The following ZFPM1 variants were observed in gnomAD, a reference collection of about 807,000 sequenced individuals.
ZFPM1 encodes the protein zinc finger protein ZFPM1.
A neutral mutation model predicts 46.3 loss-of-function variants in ZFPM1; 28 were observed. The observed-to-expected ratio is 0.60, with a 90% CI of 0.45 to 0.83. The LOEUF is 0.83. Among genes scored for constraint, ZFPM1 ranks in the 40% least tolerant of loss-of-function variants. The pLI is 0.00. For missense variants in ZFPM1, 1,878 were observed against 1,432.4 expected, an observed-to-expected ratio of 1.31 and a Z score of -5.02; for synonymous variants, 957 against 675.9, an observed-to-expected ratio of 1.42 and a Z score of -6.45.
At position 88,532,079 on chromosome 16, in the gene ZFPM1, T is replaced by G; in HGVS notation, c.790T>G (p.Cys264Gly). ...RNLQAHLLYY[C>G]ASRQGTGSPA... is the part of the protein sequence containing the mutation. The stretch of plus-strand genomic sequence containing the variant: ...CCTGCAGGCGCACCTGCTCTACTAC[T>G]GCGCCAGCCGCCAGGGCACCGGCTC... The change falls in exon 7 of 10, where the codon TGC (cysteine) becomes GGC (glycine). Residue 264 changes from cysteine (C) to glycine (G), a missense_variant. Physicochemically the swap from Cys to Gly is radical, Grantham distance 159. Coordinates refer to ENST00000319555, the MANE Select transcript of ZFPM1 (RefSeq NM_153813.3). The G allele has an allele frequency of 3.1e-6, 5 of 1,612,440 alleles. No homozygotes were observed. Among genetic ancestry groups the G allele is most frequent in the Non-Finnish European group, 4.2e-6 (5 of 1,179,748 alleles).
intron 2 of ZFPM1, among the ~76,000 whole-genome samples, chr16:88,487,424 G>A (rs1909293098): frequency 6.6e-6 from 1 of 152,240 alleles, no homozygotes; most frequent in Middle Eastern, 3.2e-3. Flanking sequence ...GATGCTAGGT[G>A]GGTGACATGA....
intron 4 of ZFPM1, among the ~76,000 whole-genome samples, 197 bp downstream of exon 4, chr16:88,514,717 T>C (rs1354768588): frequency 6.6e-6 from 1 of 152,144 alleles, no homozygotes; most frequent in Non-Finnish European, 1.5e-5. Context: ...GGAGGTGATA[T>C]GGGGCCTTTG....
intron 2 of ZFPM1, among the ~76,000 whole-genome samples, chr16:88,488,646 A>G (rs1909378160): frequency 6.6e-6 from 1 of 152,110 alleles, no homozygotes; most frequent in African/African-American, 2.4e-5. Flanking sequence ...TGGGAAGGCA[A>G]ACATGCCCTT....
intron 4 of ZFPM1, among the ~76,000 whole-genome samples, chr16:88,520,981 T>G (rs1188893681): frequency 1.9e-5 from 2 of 103,758 alleles, no homozygotes; most frequent in Non-Finnish European, 3.8e-5. Context: ...GGTGGATGGA[T>G]GGATGGATGG....
At chr16:88,468,003 G>GC (rs902555510) in intron 1 of ZFPM1, among the ~76,000 whole-genome samples, 4 of 144,424 alleles carry the variant, frequency 2.8e-5, no homozygotes, top group Non-Finnish European at 6.1e-5. Context: ...ACACCCGCGA[G>GC]CCCCCCACCG....
At chr16:88,455,458 C>T (rs1452461409) in intron 1 of ZFPM1, among the ~76,000 whole-genome samples, 1 of 152,136 alleles carries the variant, frequency 6.6e-6, no homozygotes, top group African/African-American at 2.4e-5. Flanking sequence ...GGCGCCTCCT[C>T]CCCATGGCAG....
Position 88,490,188 on chromosome 16 carries a change from G to A in ZFPM1, c.268+1035G>A, listed in dbSNP as rs1475012628. ...CCTGCCTCAGCCTCCCGAGTAGCTG[G>A]GACTACAGGTGCCTGCCACCATGCC... On this transcript the variant is annotated intron_variant, in intron 3 of 9. Transcript: ENST00000319555. 2.0e-5 allele frequency among the ~76,000 whole-genome samples: 3 copies of A among 152,236 alleles called. No homozygotes were observed. In the East Asian group the frequency reaches 5.8e-4, roughly 29 times the overall value.
intron 1 of ZFPM1, among the ~76,000 whole-genome samples, chr16:88,462,013 G>A (rs112473512): frequency 1.9e-3 from 292 of 152,310 alleles, no homozygotes; most frequent in African/African-American, 6.1e-3. Flanking sequence ...TGCATCGGCC[G>A]GCGGCCTCCC....
chr16:88,517,329 G>A (rs987357001), intron 4 of ZFPM1, among the ~76,000 whole-genome samples: 21 of 151,190 alleles, frequency 1.4e-4, no homozygotes, highest in Non-Finnish European at 3.0e-4. Context: ...TGGGTCGGTG[G>A]GTGGGTAGGT....
chr16:88,518,808 A>T (rs1486875221), intron 4 of ZFPM1, among the ~76,000 whole-genome samples: 1 of 126,292 alleles, frequency 7.9e-6, no homozygotes, highest in East Asian at 2.6e-4. Flanking sequence ...GGGTGGGTGG[A>T]TGGGAGGGTA....
rs369336435 is a variant in ZFPM1 at position 88,464,592 on chromosome 16, CAG to C, written c.40+10920_40+10921del. Reference sequence around the variant, plus strand: ...CAAAACCAAACATTTTCCCAGAAAGCAGAGAGACCCCCTACCCCCGCCATGGC... The same window carrying C: ...CAAAACCAAACATTTTCCCAGAAAGCAGAGACCCCCTACCCCCGCCATGGC... On this transcript the variant is annotated intron_variant, in intron 1 of 9. Transcript: ENST00000319555. Among the ~76,000 whole-genome samples, 8 of 152,380 alleles carry C rather than the reference CAG, an allele frequency of 5.3e-5. No individual in the cohort carries two copies. In the East Asian group the frequency reaches 1.5e-3, roughly 29 times the overall value.
At position 88,464,280 on chromosome 16, in the gene ZFPM1, G is replaced by T. The variant is rs146540000; in HGVS notation, c.40+10602G>T. Among the ~76,000 whole-genome samples the T allele has an allele frequency of 2.3e-3, 355 of 152,330 alleles. 3 individuals carry two copies. The highest frequency in any genetic ancestry group is 8.2e-3 in the African/African-American group (343 of 41,588). On this transcript the variant is annotated intron_variant, in intron 1 of 9. Coordinates refer to ENST00000319555, the MANE Select transcript of ZFPM1 (RefSeq NM_153813.3). ...TAAGGTTGAGACCCACAGGGGCAGGGCCCCCAGGTGCCCCCAGGCTGCCTG... is the reference window on the plus strand; with the variant it reads ...TAAGGTTGAGACCCACAGGGGCAGGTCCCCCAGGTGCCCCCAGGCTGCCTG...
At chr16:88,528,486 G>C (rs2142480187) in intron 6 of ZFPM1, among the ~76,000 whole-genome samples, 1 of 152,340 alleles carries the variant, frequency 6.6e-6, no homozygotes, top group South Asian at 2.1e-4. Context: ...CTTAGGCACA[G>C]ACTCGGCTCT....
At chr16:88,517,924 G>C (rs1911457441) in intron 4 of ZFPM1, among the ~76,000 whole-genome samples, 2 of 152,048 alleles carry the variant, frequency 1.3e-5, no homozygotes. Flanking sequence ...TAAATGAGTG[G>C]GTGAGGCCAG....
Position 88,453,687 on chromosome 16 carries a change from A to G in ZFPM1, c.40+9A>G, listed in dbSNP as rs1002267066. The G allele has an allele frequency of 7.5e-5, 90 of 1,194,670 alleles. No homozygotes were observed. Among genetic ancestry groups the G allele is most frequent in the Non-Finnish European group, 9.3e-5 (88 of 946,804 alleles). 74.0% of individuals were successfully genotyped at this position (1,194,670 alleles called of 1,614,324 possible). A position where few individuals can be genotyped will look rare whatever the true frequency, so the allele number is the denominator to read the frequency against. On this transcript the variant is annotated intron_variant, in intron 1 of 9. Transcript: ENST00000319555. ...CCCCCGGCAGATCAAGCGTGAGTCA[A>G]ACTTTGCCCGCGGTCCCCTCCGCGC...
At chr16:88,472,101 C>T (rs147756236) in intron 1 of ZFPM1, among the ~76,000 whole-genome samples, 35 of 152,330 alleles carry the variant, frequency 2.3e-4, no homozygotes, top group African/African-American at 8.4e-4. Context: ...CCGGTAACCC[C>T]ACCCCATCTG....
intron 6 of ZFPM1, among the ~76,000 whole-genome samples, chr16:88,529,836 G>A (rs975857573): frequency 6.6e-6 from 1 of 152,240 alleles, no homozygotes; most frequent in Non-Finnish European, 1.5e-5. Context: ...CTGGCCAGAG[G>A]GGGATGGGCT....
chr16:88,478,642 C>T (rs1443155134), intron 1 of ZFPM1, among the ~76,000 whole-genome samples: 3 of 152,346 alleles, frequency 2.0e-5, no homozygotes, highest in East Asian at 1.9e-4. Context: ...AACGAGGCTC[C>T]GGCAGAGCTG....
At chr16:88,494,923 A>C (rs923324902) in intron 3 of ZFPM1, among the ~76,000 whole-genome samples, 5 of 152,198 alleles carry the variant, frequency 3.3e-5, no homozygotes, top group African/African-American at 1.2e-4. Flanking sequence ...CAGGAGGCGG[A>C]GAGCTCCTAT....
Sources: allele counts gnomAD v4.1 joint callset (sites outside exome capture counted in the v4.1 genomes callset), GRCh38; gene constraint gnomAD v4.1.1; transcripts MANE v1.5; gene names NCBI Gene and HGNC (gene_info 2026-07-23, HGNC 2026-07-21).